CHD4: variants seen among roughly 807,000 people sequenced by gnomAD.
CHD4 encodes the protein ATP-dependent chromatin remodeler CHD4.
Under a neutral mutation model 235.5 loss-of-function variants are expected in CHD4, and 35 were observed. The observed-to-expected ratio is 0.15, with a 90% CI of 0.11 to 0.20. CHD4 has a LOEUF of 0.20. Ranked by LOEUF, CHD4 falls within the 10% of genes least tolerant of loss-of-function variation. The probability of loss-of-function intolerance (pLI) is 1.00; values close to 1 mark genes in which losing one functional copy is unlikely to be tolerated. For synonymous variants in CHD4, 900 were observed against 850.2 expected (o/e 1.06, Z -1.02); for missense variants, 1,329 against 2,432.3 (o/e 0.55, Z 9.54).
intron 12 of CHD4, 65 bp downstream of exon 12, chr12:6,597,829 T>C: frequency 7.0e-7 from 1 of 1,431,336 alleles, no homozygotes; most frequent in Non-Finnish European, 9.8e-7. Context: ...GACAGCCATT[T>C]TCCCAATCTC....
intron 33 of CHD4, chr12:6,580,704 GAAAAAAAAAA>G (rs57266458): frequency 0.012 from 506 of 43,454 alleles, 16 homozygotes; most frequent in African/African-American, 0.061. Context: ...AAACTCCTTT[GAAAAAAAAAA>G]AAAAAAAAAA....
At chr12:6,575,156 G>A (rs1156619941) in intron 37 of CHD4, among the ~76,000 whole-genome samples, 1 of 152,146 alleles carries the variant, frequency 6.6e-6, no homozygotes, top group Non-Finnish European at 1.5e-5. Context: ...CCCTTTAATA[G>A]AAAAGGTGTG....
chr12:6,606,462 G>T lies in CHD4; in HGVS notation c.-78-11C>A, dbSNP rs1412216620. 7.3e-6 allele frequency: 5 copies of T among 686,152 alleles called. No individual in the cohort carries two copies. The highest frequency in any genetic ancestry group is 3.8e-5 in the African/African-American group (2 of 52,638). The allele number at this position is 686,152 out of a possible 1,614,324, so 42.5% of individuals were successfully genotyped here. ...CACTGGCCCGAGTCACTGTGCGGGG[G>T]AGGGGGGAGAAACACAGAACAGTCA... On this transcript the variant is annotated splice_polypyrimidine_tract_variant and intron_variant, in intron 1 of 39. Transcript: ENST00000544040.
intron 33 of CHD4, 137 bp downstream of exon 33, chr12:6,580,907 T>C: frequency 1.1e-6 from 1 of 898,878 alleles, no homozygotes; most frequent in Non-Finnish European, 1.7e-6. Flanking sequence ...CTCGGGAGGG[T>C]GAGGCAGGAG....
In CHD4 at chr12:6,593,677, C is replaced by T. The variant is rs1331474231; in HGVS notation, c.2314-61G>A. Reference sequence around the variant, plus strand: ...CCCAGCACACTGCAACCCCAGCGAACACCCACCACCCTGCTGCCCCCTCAA... The same window carrying T: ...CCCAGCACACTGCAACCCCAGCGAATACCCACCACCCTGCTGCCCCCTCAA... On this transcript the variant is annotated intron_variant, in intron 15 of 39. Transcript: ENST00000544040. This position sits in a 1 kb window ranked among gnomAD's most constrained non-coding sequence, Gnocchi z 4.9. 4 of 1,460,822 alleles carry T rather than the reference C, an allele frequency of 2.7e-6. No homozygotes were observed. The East Asian group carries it at 6.8e-5, about 25-fold the overall frequency. 90.5% of individuals were successfully genotyped at this position (1,460,822 alleles called of 1,614,324 possible).
chr12:6,593,340 G>T lies in CHD4; in HGVS notation c.2514+76C>A, dbSNP rs980812283. On this transcript the variant is annotated intron_variant, in intron 16 of 39. Transcript: ENST00000544040. This position sits in a 1 kb window ranked among gnomAD's most constrained non-coding sequence, Gnocchi z 4.9. Reference sequence around the variant, plus strand: ...AGGGTTACCCTTTTGCCTCACCAGGGACCAGATCACAAGGAGGTAAACTAA... The same window carrying T: ...AGGGTTACCCTTTTGCCTCACCAGGTACCAGATCACAAGGAGGTAAACTAA... The T allele has an allele frequency of 3.7e-5, 59 of 1,597,216 alleles. No homozygotes were observed. The highest frequency in any genetic ancestry group is 4.9e-5 in the Non-Finnish European group (57 of 1,166,698).
Position 6,581,775 on chromosome 12 carries a change from G to C in CHD4, c.4555C>G (p.Pro1519Ala). The C allele has an allele frequency of 6.4e-7, 1 of 1,572,872 alleles. No individual in the cohort carries two copies. The change falls in exon 31 of 40, where the codon CCT becomes GCT. Residue 1519 changes from proline (P) to alanine (A), a missense_variant. Physicochemically the swap from Pro to Ala is conservative, Grantham distance 27. Transcript: ENST00000544040. ...FEHVNGRWSM[P>A]ELAEVEENKK... Reference sequence around the variant, plus strand: ...TTTTCCTCCACCTCAGCCAGTTCAGGCATGCTCCAGCGCCCATTAACATGT... The same window carrying C: ...TTTTCCTCCACCTCAGCCAGTTCAGCCATGCTCCAGCGCCCATTAACATGT...
At position 6,601,399 on chromosome 12, in the gene CHD4, G is replaced by A; in HGVS notation, c.689C>T (p.Ala230Val). The A allele has an allele frequency of 6.2e-7, 1 of 1,614,156 alleles. No homozygotes were observed. The highest frequency in any genetic ancestry group is 8.5e-7 in the Non-Finnish European group (1 of 1,180,020). Residue 230 changes from alanine (A) to valine (V), a missense_variant, in exon 6 of 40, where the codon GCA becomes GTA. Coordinates refer to ENST00000544040, the MANE Select transcript of CHD4 (RefSeq NM_001273.5). ...CTCCACCACAGCTACCGCTGCTGCT[G>A]CCGCAGCTGCCACTGATGCCCCAGA... is the stretch of plus-strand genomic sequence containing the variant. The part of the protein sequence containing the change: ...GSSGASVAAA[A>V]AAAVAVVESM...
chr12:6,575,312 G>C (rs1592258488), intron 37 of CHD4, among the ~76,000 whole-genome samples: 2 of 152,172 alleles, frequency 1.3e-5, no homozygotes, highest in Admixed American at 1.3e-4. Context: ...GTCAGGCATG[G>C]TGGTACATGC....
chr12:6,604,321 C>T (rs1000945226), intron 2 of CHD4, among the ~76,000 whole-genome samples: 9 of 152,028 alleles, frequency 5.9e-5, no homozygotes, highest in African/African-American at 1.7e-4. Flanking sequence ...CTGACATGTT[C>T]TTAGCTCTTA....
chr12:6,596,883 T>C (rs535410478), intron 12 of CHD4, among the ~76,000 whole-genome samples: 2 of 149,832 alleles, frequency 1.3e-5, no homozygotes, highest in African/African-American at 2.5e-5. Context: ...CACTTGAGCC[T>C]GAGAGGCGGA....
chr12:6,594,712 C>A, intron 14 of CHD4, 62 bp from the exon 15 acceptor site: 2 of 1,458,524 alleles, frequency 1.4e-6, no homozygotes, highest in South Asian at 1.3e-5. Flanking sequence ...CCTAATAGAG[C>A]AGCTGCTTCC....
intron 37 of CHD4, 65 bp from the exon 38 acceptor site, chr12:6,573,334 CCT>C: frequency 7.5e-7 from 1 of 1,332,062 alleles, no homozygotes; most frequent in Non-Finnish European, 1.0e-6. Context: ...TTCTGACTGG[CCT>C]CTCAGCTCAC....
intron 38 of CHD4, among the ~76,000 whole-genome samples, chr12:6,572,522 G>T (rs1947992794): frequency 1.3e-5 from 2 of 152,088 alleles, no homozygotes; most frequent in Admixed American, 6.5e-5. Context: ...CTTGAATCCA[G>T]GAGTTCAAGA....
intron 37 of CHD4, among the ~76,000 whole-genome samples, chr12:6,575,052 T>A (rs1948044575): frequency 1.3e-5 from 2 of 151,806 alleles, no homozygotes; most frequent in South Asian, 4.2e-4. Context: ...CCTAACTTAT[T>A]CATTTATGTA....
Position 6,595,446 on chromosome 12 carries a change from A to C in CHD4, c.2025-16T>G, listed in dbSNP as rs764790056. 1.2e-6 allele frequency: 2 copies of C among 1,608,172 alleles called. No individual in the cohort carries two copies. Among genetic ancestry groups the C allele is most frequent in the African/African-American group, 1.3e-5 (1 of 74,774 alleles). ...CATTAACTCCCTAAAGAAGAAAGAC[A>C]TCACACAGCTGCCCAAAATCCTTTT... On this transcript the variant is annotated splice_polypyrimidine_tract_variant and intron_variant, in intron 13 of 39. Coordinates refer to ENST00000544040, the MANE Select transcript of CHD4 (RefSeq NM_001273.5).
chr12:6,571,164 G>T, intron 38 of CHD4, 132 bp from the exon 39 acceptor site: 1 of 1,051,264 alleles, frequency 9.5e-7, no homozygotes. Context: ...CATCTGACCT[G>T]ACCTCCACCA....
chr12:6,584,698 G>C (rs1223571155), intron 25 of CHD4: 1 of 152,094 alleles, frequency 6.6e-6, no homozygotes, highest in East Asian at 1.9e-4. Flanking sequence ...TGTGTATTTT[G>C]AACTATGTAA....
chr12:6,600,618 T>A lies in CHD4; in HGVS notation c.979A>T (p.Asn327Tyr), dbSNP rs936172107. 1.2e-5 allele frequency: 19 copies of A among 1,613,950 alleles called. No homozygotes were observed. The highest frequency in any genetic ancestry group is 1.5e-5 in the Non-Finnish European group (18 of 1,180,020). Residue 327 changes from asparagine to tyrosine, a missense_variant, in exon 8 of 40, where the codon AAT (asparagine) becomes TAT (tyrosine). Around this residue, in one of 26 missense-constraint regions of CHD4, gnomAD observed 160 missense variants for 196.6 expected, o/e 0.81. Coordinates refer to ENST00000544040, the MANE Select transcript of CHD4 (RefSeq NM_001273.5). ...VESDFDDASINSYSVSDGSTS... is the reference protein window; with the variant it reads ...VESDFDDASIYSYSVSDGSTS... ...GAACCATCAGAAACAGAATAGCTAT[T>A]GATACTGGCATCATCGAAGTCAGAT...
Sources: allele counts gnomAD v4.1 joint callset (sites outside exome capture counted in the v4.1 genomes callset), GRCh38; gene constraint gnomAD v4.1.1; regional missense constraint gnomAD v4.1.1; non-coding constraint Gnocchi (gnomAD v3.1); transcripts MANE v1.5; gene names NCBI Gene and HGNC (gene_info 2026-07-23, HGNC 2026-07-21).